The following EHMT1 variants were observed in gnomAD, a reference collection of about 807,000 sequenced individuals.
EHMT1 encodes the protein histone-lysine N-methyltransferase EHMT1.
In EHMT1, 15 loss-of-function variants were observed where a neutral mutation model predicts 147.2. That is an observed-to-expected ratio of 0.10 (90% CI 0.07 to 0.16). The LOEUF is 0.16. EHMT1 is among the 10% of genes least tolerant of loss of function. The pLI, the probability that EHMT1 is intolerant of heterozygous loss-of-function variation, is 1.00. For synonymous variants in EHMT1, 795 were observed against 709.6 expected (o/e 1.12, Z -1.91); for missense variants, 1,587 against 1,772.4 (o/e 0.90, Z 1.88).
chr9:137,639,691 C>T (rs1422038786), intron 1 of EHMT1, among the ~76,000 whole-genome samples: 1 of 152,106 alleles, frequency 6.6e-6, no homozygotes, highest in Non-Finnish European at 1.5e-5. Context: ...CTCTTTGTAT[C>T]TTCAATCGAA....
At chr9:137,702,368 G>C (rs1431845600) in intron 1 of EHMT1, among the ~76,000 whole-genome samples, 1 of 152,180 alleles carries the variant, frequency 6.6e-6, no homozygotes, top group Non-Finnish European at 1.5e-5. Context: ...TAGTAATACA[G>C]GCATTGGGTA....
chr9:137,771,498 T>C (rs933772556), intron 10 of EHMT1, among the ~76,000 whole-genome samples: 5 of 152,210 alleles, frequency 3.3e-5, no homozygotes, highest in Non-Finnish European at 7.3e-5. Context: ...TCCCATGTCT[T>C]TGAGCATAAT....
chr9:137,705,714 A>G (rs1944209532), intron 1 of EHMT1, among the ~76,000 whole-genome samples: 1 of 152,190 alleles, frequency 6.6e-6, no homozygotes, highest in African/African-American at 2.4e-5. Flanking sequence ...AGAAGCCCCA[A>G]GTCAGGGCTG....
At chr9:137,741,697 G>C (rs1948096692) in intron 4 of EHMT1, among the ~76,000 whole-genome samples, 2 of 152,210 alleles carry the variant, frequency 1.3e-5, no homozygotes. Flanking sequence ...CAACCCTGCA[G>C]TCAGCCCTGC....
At position 137,731,706 on chromosome 9, in the gene EHMT1, G is replaced by A. The variant is rs535986312; in HGVS notation, c.823+3177G>A. On this transcript the variant is annotated intron_variant, in intron 4 of 26. Coordinates refer to ENST00000460843, the MANE Select transcript of EHMT1 (RefSeq NM_024757.5). The surrounding 1 kb of genome is among the most constrained non-coding windows in gnomAD (Gnocchi z 4.3). ...CCTGCTGGGCTCATTCTGCCCACTC[G>A]GCCCAGCAGGCTGTACTTGGCTCAT... 6.6e-6 allele frequency among the ~76,000 whole-genome samples: 1 copy of A among 152,084 alleles called. No individual in the cohort carries two copies. The highest frequency in any genetic ancestry group is 1.5e-5 in the Non-Finnish European group (1 of 68,018).
At chr9:137,788,005 G>A (rs1952132439) in intron 15 of EHMT1, 6 of 1,455,860 alleles carry the variant, frequency 4.1e-6, no homozygotes, top group Non-Finnish European at 4.8e-6. Context: ...AGTAAGTGGA[G>A]AGGCCAGGCC....
rs1047352118 is a variant in EHMT1 at position 137,730,643 on chromosome 9, C to T, written c.823+2114C>T. Among the ~76,000 whole-genome samples, 7 of 152,334 alleles carry T rather than the reference C, an allele frequency of 4.6e-5. No individual in the cohort carries two copies. In the East Asian group the frequency reaches 1.3e-3, roughly 29 times the overall value. On this transcript the variant is annotated intron_variant, in intron 4 of 26. Coordinates refer to ENST00000460843, the MANE Select transcript of EHMT1 (RefSeq NM_024757.5). ...ACGGACTCTTATTTGAGTCTCTGGA[C>T]TGTAATCCATTCCTATCATTATTTA...
Position 137,793,484 on chromosome 9 carries a change from G to T in EHMT1, c.2505+2514G>T, listed in dbSNP as rs530132093. On this transcript the variant is annotated intron_variant, in intron 16 of 26. Transcript: ENST00000460843. ...AGCCATTGTGGAAACCAGTCTGGTGGTTCCTCAGATCGCTAAGCATAGGAT... is the reference window on the plus strand; with the variant it reads ...AGCCATTGTGGAAACCAGTCTGGTGTTTCCTCAGATCGCTAAGCATAGGAT... 3.9e-5 allele frequency among the ~76,000 whole-genome samples: 6 copies of T among 152,384 alleles called. No individual in the cohort carries two copies. In the South Asian group the frequency reaches 1.0e-3, roughly 26 times the overall value.
intron 1 of EHMT1, among the ~76,000 whole-genome samples, chr9:137,627,120 G>A (rs1843313183): frequency 1.3e-5 from 2 of 152,092 alleles, no homozygotes; most frequent in South Asian, 2.1e-4. Context: ...CACCACGCTC[G>A]GCTAATTTTT....
chr9:137,752,658 G>C (rs753035963), intron 7 of EHMT1, among the ~76,000 whole-genome samples: 1 of 152,226 alleles, frequency 6.6e-6, no homozygotes, highest in Non-Finnish European at 1.5e-5. Flanking sequence ...GGGTGGGGTG[G>C]AGTTGAGTGG....
chr9:137,781,080 G>A (rs141757115), intron 14 of EHMT1, among the ~76,000 whole-genome samples: 2,142 of 85,264 alleles, frequency 0.025, 55 homozygotes, highest in East Asian at 0.22. Flanking sequence ...GGGATGTGTG[G>A]TGATGACGCT....
At chr9:137,645,223 C>G (rs1222944443) in intron 1 of EHMT1, among the ~76,000 whole-genome samples, 1 of 152,266 alleles carries the variant, frequency 6.6e-6, no homozygotes, top group Non-Finnish European at 1.5e-5. Flanking sequence ...TGGCACACTT[C>G]AGGGCCTTGA....
At chr9:137,738,335 T>C (rs908661694) in intron 4 of EHMT1, among the ~76,000 whole-genome samples, 4 of 151,714 alleles carry the variant, frequency 2.6e-5, no homozygotes, top group Non-Finnish European at 5.9e-5. Context: ...ATAAGGTAAA[T>C]GCAAATCAAA....
intron 25 of EHMT1, among the ~76,000 whole-genome samples, chr9:137,825,666 A>G (rs944678465): frequency 2.6e-5 from 4 of 152,192 alleles, no homozygotes; most frequent in African/African-American, 9.7e-5. Context: ...TGCTTGATGG[A>G]TAGAAATAGA....
At chr9:137,709,307 C>T (rs1469976089) in intron 1 of EHMT1, among the ~76,000 whole-genome samples, 3 of 152,184 alleles carry the variant, frequency 2.0e-5, no homozygotes, top group Non-Finnish European at 2.9e-5. Flanking sequence ...AGGTAGCGTG[C>T]TCTGCATGTT....
chr9:137,701,625 ATT>A (rs139537570), intron 1 of EHMT1, among the ~76,000 whole-genome samples: 11 of 115,628 alleles, frequency 9.5e-5, no homozygotes, highest in Admixed American at 2.7e-4. Context: ...TGCCTGGCTA[ATT>A]TTTTTTTTTT....
At chr9:137,721,042 CTT>C (rs1364799529) in intron 3 of EHMT1, among the ~76,000 whole-genome samples, 1 of 152,036 alleles carries the variant, frequency 6.6e-6, no homozygotes, top group Non-Finnish European at 1.5e-5. Flanking sequence ...CTCTTACCCA[CTT>C]TTTATTTAGC....
At chr9:137,682,155 C>G (rs566282809) in intron 1 of EHMT1, among the ~76,000 whole-genome samples, 7 of 151,890 alleles carry the variant, frequency 4.6e-5, no homozygotes, top group African/African-American at 7.3e-5. Context: ...TCTCCGTGTT[C>G]GTCAGGATGG....
At chr9:137,827,360 C>T (rs1264046483) in intron 25 of EHMT1, among the ~76,000 whole-genome samples, 2 of 152,146 alleles carry the variant, frequency 1.3e-5, no homozygotes, top group East Asian at 1.9e-4. Context: ...GGCCCAGGTA[C>T]GGTTCTTGTT....
Sources: gnomAD v4.1 joint callset for allele counts (sites outside exome capture counted in the v4.1 genomes callset) on GRCh38, gnomAD v4.1.1 for gene constraint, Gnocchi (gnomAD v3.1) non-coding constraint, MANE v1.5 for transcripts, NCBI Gene and HGNC (gene_info 2026-07-23, HGNC 2026-07-21) for gene names.